The following MYO10 variants were observed in gnomAD, a reference collection of about 807,000 sequenced individuals.
The protein encoded by MYO10 is myosin X.
MYO10 carries 133 observed loss-of-function variants against 257.3 expected under a neutral mutation model. The ratio of observed to expected loss-of-function variants is 0.52; its 90% CI spans 0.45 to 0.60. The LOEUF (loss-of-function observed/expected upper bound fraction) is 0.60, where lower values mean the gene tolerates loss of function less well. Ranked by LOEUF, MYO10 falls within the 20% of genes least tolerant of loss-of-function variation. The probability of loss-of-function intolerance (pLI) is 0.00; values close to 1 mark genes in which losing one functional copy is unlikely to be tolerated. For synonymous variants in MYO10, 1,104 were observed against 1,028.6 expected (o/e 1.07, Z -1.40); for missense variants, 2,399 against 2,635.7 (o/e 0.91, Z 1.97).
At chr5:16,675,917 G>A (rs572878263) in intron 34 of MYO10, 114 bp downstream of exon 34, 40 of 1,267,490 alleles carry the variant, frequency 3.2e-5, no homozygotes, top group South Asian at 6.5e-5. Flanking sequence ...TCCAATTCAC[G>A]ACGAATAAGA....
chr5:16,815,664 T>G (rs1340224996), intron 3 of MYO10, among the ~76,000 whole-genome samples: 1 of 152,166 alleles, frequency 6.6e-6, no homozygotes, highest in African/African-American at 2.4e-5. Flanking sequence ...AAACAAATAG[T>G]TACACGACAG....
At chr5:16,771,292 C>CA (rs1455370520) in intron 9 of MYO10, among the ~76,000 whole-genome samples, 1 of 151,624 alleles carries the variant, frequency 6.6e-6, no homozygotes, top group African/African-American at 2.4e-5. Context: ...TTCAGAATGA[C>CA]AAAGATTAGT....
chr5:16,887,637 C>T (rs917154666), intron 1 of MYO10, among the ~76,000 whole-genome samples: 10 of 152,008 alleles, frequency 6.6e-5, no homozygotes, highest in Admixed American at 3.3e-4. Flanking sequence ...GCTACAGGTG[C>T]GCACCACCAC....
Position 16,694,442 on chromosome 5 carries a change from C to G in MYO10, c.3729G>C (p.Gln1243His). The G allele has an allele frequency of 3.7e-6, 6 of 1,614,058 alleles. No homozygotes were observed. Among genetic ancestry groups the G allele is most frequent in the Non-Finnish European group, 5.1e-6 (6 of 1,179,900 alleles). The change falls in exon 27 of 41, where the codon CAG becomes CAC. Residue 1243 changes from glutamine (Q) to histidine (H), a missense_variant. Coordinates refer to ENST00000513610, the MANE Select transcript of MYO10 (RefSeq NM_012334.3). ...CGTTTTCAAAGTACATCAGCTTGGA[C>G]TGGCGGAGGACAAACCAGCGCTTCT... ...NWKKRWFVLRQSKLMYFENDS... is the reference protein window; with the variant it reads ...NWKKRWFVLRHSKLMYFENDS...
chr5:16,935,802 T>C lies in MYO10; in HGVS notation c.7A>G (p.Asn3Asp). The C allele has an allele frequency of 6.2e-7, 1 of 1,613,188 alleles. No individual in the cohort carries two copies. The highest frequency in any genetic ancestry group is 8.5e-7 in the Non-Finnish European group (1 of 1,179,664). The change falls in exon 1 of 41, where the codon AAC (asparagine) becomes GAC (aspartate). Residue 3 changes from asparagine to aspartate, a missense_variant. Transcript: ENST00000513610. Reference sequence around the variant, plus strand: ...AGCGCACTTACCTCGGTGAAGAAGTTATCCATTGTTCCAGCGCAGTCCCGG... The same window carrying C: ...AGCGCACTTACCTCGGTGAAGAAGTCATCCATTGTTCCAGCGCAGTCCCGG... MD[N>D]FFTEGTRVWL...
rs537118757 is a variant in MYO10, at chr5:16,696,583, C to T, written c.3557-1969G>A. On this transcript the variant is annotated intron_variant, in intron 26 of 40. Transcript: ENST00000513610. ...TGTATAATAAATCAATGCTGCCGGG[C>T]GTGGTGTCTCACGCCTGTAATCCCA... 4.7e-4 allele frequency among the ~76,000 whole-genome samples: 72 copies of T among 151,898 alleles called. 1 individual carries two copies. Among genetic ancestry groups the T allele is most frequent in the Non-Finnish European group, 9.3e-4 (63 of 67,956 alleles).
intron 3 of MYO10, among the ~76,000 whole-genome samples, chr5:16,810,652 G>A (rs2126696925): frequency 6.6e-6 from 1 of 152,292 alleles, no homozygotes; most frequent in East Asian, 1.9e-4. Context: ...AAATTAGCCA[G>A]GCGTGGTGGT....
intron 2 of MYO10, among the ~76,000 whole-genome samples, chr5:16,865,161 A>C (rs1164970470): frequency 6.6e-6 from 1 of 152,254 alleles, no homozygotes; most frequent in Non-Finnish European, 1.5e-5. Context: ...GTTTCAAAAA[A>C]AAAAGAAGCC....
chr5:16,742,910 C>T (rs1406067188), intron 19 of MYO10, among the ~76,000 whole-genome samples: 6 of 151,884 alleles, frequency 4.0e-5, no homozygotes, highest in East Asian at 1.9e-4. Context: ...TGCCTGAGGT[C>T]GGGAGTTCGA....
chr5:16,704,154 TA>T (rs906341438), intron 22 of MYO10, among the ~76,000 whole-genome samples: 9 of 150,140 alleles, frequency 6.0e-5, no homozygotes, highest in African/African-American at 1.2e-4. Context: ...GACCCATCTC[TA>T]AAAAAAAAAT....
At chr5:16,800,852 T>G (rs73055120) in intron 3 of MYO10, among the ~76,000 whole-genome samples, 56 of 152,294 alleles carry the variant, frequency 3.7e-4, no homozygotes, top group African/African-American at 1.3e-3. Flanking sequence ...GTCGTCTGAA[T>G]GCGTGGTTAA....
chr5:16,918,506 T>TTC (rs1745889441), intron 1 of MYO10, among the ~76,000 whole-genome samples: 1 of 132,090 alleles, frequency 7.6e-6, no homozygotes, highest in African/African-American at 2.8e-5. Flanking sequence ...TTTTCTTTTT[T>TTC]TTTTTTTTTT....
chr5:16,727,760 C>A (rs1162148164), intron 19 of MYO10, among the ~76,000 whole-genome samples: 1 of 151,888 alleles, frequency 6.6e-6, no homozygotes, highest in Non-Finnish European at 1.5e-5. Flanking sequence ...AAGCCAGCAT[C>A]TTCCTTGCCT....
chr5:16,738,416 A>C, intron 19 of MYO10: 1 of 985,376 alleles, frequency 1.0e-6, no homozygotes, highest in Non-Finnish European at 1.2e-6. Context: ...TAGAAAGAAG[A>C]AAATAGTCAC....
intron 19 of MYO10, chr5:16,738,255 T>C: frequency 1.0e-6 from 1 of 983,202 alleles, no homozygotes; most frequent in East Asian, 1.2e-4. Flanking sequence ...GGAGGAGGGG[T>C]GGTCAGAGAG....
intron 1 of MYO10, among the ~76,000 whole-genome samples, chr5:16,896,058 T>TG (rs1745209760): frequency 6.6e-6 from 1 of 152,228 alleles, no homozygotes; most frequent in African/African-American, 2.4e-5. Flanking sequence ...CTCTGAAAAA[T>TG]GGAGTCCTTC....
intron 19 of MYO10, among the ~76,000 whole-genome samples, chr5:16,718,517 TCGACA>T (rs1738999471): frequency 2.6e-5 from 4 of 152,124 alleles, no homozygotes; most frequent in African/African-American, 7.2e-5. Flanking sequence ...AGTGCACCAA[TCGACA>T]CTCTGTATCT....
chr5:16,775,478 C>G lies in MYO10; in HGVS notation c.930+4067G>C, dbSNP rs113278961. Among the ~76,000 whole-genome samples the G allele has an allele frequency of 2.6e-3, 395 of 152,250 alleles. 1 individual carries two copies. The highest frequency in any genetic ancestry group is 9.2e-3 in the African/African-American group (384 of 41,556). On this transcript the variant is annotated intron_variant, in intron 9 of 40. Coordinates refer to ENST00000513610, the MANE Select transcript of MYO10 (RefSeq NM_012334.3). ...GGGTCTTACTCTGTCATCCAGGCTG[C>G]AGTGCAATGGCATGATCATGGCTCA...
At position 16,694,587 on chromosome 5, in the gene MYO10, C is replaced by T. The variant is rs762454162; in HGVS notation, c.3584G>A (p.Arg1195His). Residue 1195 changes from arginine to histidine, a missense_variant, in exon 27 of 41, where the codon CGC (arginine) becomes CAC (histidine). By Grantham distance (29) the Arg-to-His change is conservative. Around this residue, in one of 3 missense-constraint regions of MYO10, gnomAD observed 1,820 missense variants for 1,939.4 expected, o/e 0.94. Coordinates refer to ENST00000513610, the MANE Select transcript of MYO10 (RefSeq NM_012334.3). ...GGTTTCATCCTTGAGGACGCACCAG[C>T]GGCGTTTCCAAGAGTTCATCAGGCC... ...KGGLMNSWKR[R>H]WCVLKDETFL... 42 of 1,613,736 alleles carry T rather than the reference C, an allele frequency of 2.6e-5. No individual in the cohort carries two copies. Among genetic ancestry groups the T allele is most frequent in the South Asian group, 2.2e-4 (20 of 91,082 alleles).
Sources: gnomAD v4.1 joint callset for allele counts (sites outside exome capture counted in the v4.1 genomes callset) on GRCh38, gnomAD v4.1.1 for gene constraint, gnomAD v4.1.1 regional missense constraint, MANE v1.5 for transcripts, NCBI Gene and HGNC (gene_info 2026-07-23, HGNC 2026-07-21) for gene names.